Variants in LARP1 observed in about 807,000 individuals in gnomAD.
LARP1 encodes the protein La ribonucleoprotein 1, translational regulator.
In LARP1, 36 loss-of-function variants were observed where a neutral mutation model predicts 122.7. That is an observed-to-expected ratio of 0.29 (90% CI 0.22 to 0.39). The LOEUF (loss-of-function observed/expected upper bound fraction) is 0.39. LARP1 is among the 10% of genes least tolerant of loss of function. The pLI is 1.00. For missense variants in LARP1, 1,040 were observed against 1,403.6 expected, an observed-to-expected ratio of 0.74 and a Z score of 4.14; for synonymous variants, 539 against 528.7, an observed-to-expected ratio of 1.02 and a Z score of -0.27.
intron 1 of LARP1, among the ~76,000 whole-genome samples, chr5:154,771,178 A>G (rs1218748418): frequency 6.6e-6 from 1 of 151,814 alleles, no homozygotes; most frequent in Admixed American, 6.6e-5. Flanking sequence ...AGTGAGTAAT[A>G]GCCTTTATCA....
At chr5:154,797,658 T>G (rs1757993272) in intron 8 of LARP1, among the ~76,000 whole-genome samples, 1 of 152,084 alleles carries the variant, frequency 6.6e-6, no homozygotes, top group Non-Finnish European at 1.5e-5. Context: ...CATTTTGTTT[T>G]ATTTCACAGT....
intron 1 of LARP1, among the ~76,000 whole-genome samples, chr5:154,757,690 C>T (rs1325302274): frequency 1.3e-5 from 2 of 152,158 alleles, no homozygotes; most frequent in Non-Finnish European, 2.9e-5. Flanking sequence ...CTGAAAACAG[C>T]ATGTTGCAAT....
intron 1 of LARP1, among the ~76,000 whole-genome samples, chr5:154,729,947 A>G (rs1756455202): frequency 6.6e-6 from 1 of 152,154 alleles, no homozygotes; most frequent in Non-Finnish European, 1.5e-5. Flanking sequence ...CATGACTACA[A>G]CTGCATGAGT....
chr5:154,814,136 A>T lies in LARP1; in HGVS notation c.*40A>T. 43 of 1,521,024 alleles carry T rather than the reference A, an allele frequency of 2.8e-5. No homozygotes were observed. Among genetic ancestry groups the T allele is most frequent in the Non-Finnish European group, 3.3e-5 (36 of 1,105,766 alleles). 94.2% of individuals were successfully genotyped at this position (1,521,024 alleles called of 1,614,324 possible). Reference sequence around the variant, plus strand: ...CTGGGGCTTGAGGGGGGAAAGGGGTAGGGTGGGTAAGAGTCCATGGGGGTG... The same window carrying T: ...CTGGGGCTTGAGGGGGGAAAGGGGTTGGGTGGGTAAGAGTCCATGGGGGTG... On this transcript the variant is annotated 3_prime_UTR_variant, in exon 19 of 19. Transcript: ENST00000518297.
At chr5:154,739,244 T>G (rs1464494481) in intron 1 of LARP1, among the ~76,000 whole-genome samples, 4 of 152,026 alleles carry the variant, frequency 2.6e-5, no homozygotes, top group Non-Finnish European at 5.9e-5. Flanking sequence ...ATGGTCTCGA[T>G]CTCCTGACCT....
Position 154,805,775 on chromosome 5 carries a change from G to A in LARP1, c.2547-106G>A, listed in dbSNP as rs1300166401. On this transcript the variant is annotated intron_variant, in intron 14 of 18. Transcript: ENST00000518297. ...ACTGGGCCTCCTTGTTTGATACCCT[G>A]TGAGAGGATGGATCTTGGCTGACAG... 2.2e-5 allele frequency: 27 copies of A among 1,228,134 alleles called. No homozygotes were observed. The Admixed American group carries it at 6.0e-4, about 27-fold the overall frequency. The allele number at this position is 1,228,134 out of a possible 1,614,324, so 76.1% of individuals were successfully genotyped here.
chr5:154,687,672 C>T (rs1380949491), intron 1 of LARP1, among the ~76,000 whole-genome samples: 5 of 152,208 alleles, frequency 3.3e-5, no homozygotes, highest in Non-Finnish European at 5.9e-5. Context: ...TGAGCCACTG[C>T]GCCCGGCCTG....
intron 1 of LARP1, among the ~76,000 whole-genome samples, chr5:154,692,502 T>A (rs1754270222): frequency 1.3e-5 from 2 of 152,196 alleles, no homozygotes; most frequent in South Asian, 4.1e-4. Flanking sequence ...CTTGTCATTG[T>A]CTTTCCCTAC....
intron 1 of LARP1, chr5:154,718,779 A>G (rs1029132006): frequency 1.3e-5 from 2 of 152,208 alleles, no homozygotes; most frequent in African/African-American, 4.8e-5. Context: ...CTTGGAAGCT[A>G]CCTACGGGCA....
intron 1 of LARP1, among the ~76,000 whole-genome samples, chr5:154,788,846 T>G (rs1757091654): frequency 6.6e-6 from 1 of 152,206 alleles, no homozygotes; most frequent in South Asian, 2.1e-4. Flanking sequence ...TTCTGATAGT[T>G]CTTACATGTC....
At chr5:154,801,534 T>C (rs1053259708) in intron 10 of LARP1, among the ~76,000 whole-genome samples, 1 of 152,216 alleles carries the variant, frequency 6.6e-6, no homozygotes, top group African/African-American at 2.4e-5. Context: ...TCATTTATTA[T>C]ATAATTGAAC....
intron 15 of LARP1, among the ~76,000 whole-genome samples, chr5:154,807,021 A>G (rs949763442): frequency 6.6e-6 from 1 of 152,012 alleles, no homozygotes; most frequent in African/African-American, 2.4e-5. Context: ...CTACTAACCT[A>G]CTTTCTGCCT....
Position 154,814,024 on chromosome 5 carries a change from C to T in LARP1, c.3219C>T (p.Pro1073=). The T allele has an allele frequency of 6.2e-7, 1 of 1,614,178 alleles. No homozygotes were observed. Among genetic ancestry groups the T allele is most frequent in the Non-Finnish European group, 8.5e-7 (1 of 1,180,038 alleles). The change falls in exon 19 of 19, where the codon CCC becomes CCT. Residue 1073 remains proline, a synonymous_variant. Coordinates refer to ENST00000518297, the MANE Select transcript of LARP1 (RefSeq NM_033551.3). ...TGATCAGCCAACCCCCTACACCACC[C>T]ACCGGCCAGCCTGTCCGGGAAGATG... ...AAMISQPPTP[P]TGQPVREDAK... is the part of the protein sequence containing the mutation.
Position 154,793,964 on chromosome 5 carries a change from G to T in LARP1, c.1033G>T (p.Gly345Cys). Residue 345 changes from glycine (G) to cysteine (C), a missense_variant, in exon 6 of 19, where the codon GGT becomes TGT. By Grantham distance (159) the Gly-to-Cys change is radical. Around this residue, in one of 8 missense-constraint regions of LARP1, gnomAD observed 178 missense variants for 178.3 expected, o/e 1.00. Transcript: ENST00000518297. ...ASFRGRGRGR[G>C]RGRGRGRGGT... is the part of the protein sequence containing the mutation. ...CTTCCGTGGCCGTGGACGGGGGCGT[G>T]GTCGCGGCCGGGGACGCGGCCGGGG... The T allele has an allele frequency of 6.2e-7, 1 of 1,611,860 alleles. No homozygotes were observed. Among genetic ancestry groups the T allele is most frequent in the Non-Finnish European group, 8.5e-7 (1 of 1,178,438 alleles).
chr5:154,685,664 A>G (rs959033684), intron 1 of LARP1: 3 of 359,666 alleles, frequency 8.3e-6, no homozygotes, highest in African/African-American at 6.5e-5. Flanking sequence ...AGTCTATACG[A>G]TGCCTTTGTG....
chr5:154,695,415 T>C (rs1676564505), intron 1 of LARP1, among the ~76,000 whole-genome samples: 1 of 151,854 alleles, frequency 6.6e-6, no homozygotes, highest in South Asian at 2.1e-4. Context: ...TCCCAGTACT[T>C]TGGGAGGCCG....
In LARP1 at chr5:154,814,278, G is replaced by A. The variant is rs948964255; in HGVS notation, c.*182G>A. 39 of 583,808 alleles carry A rather than the reference G, an allele frequency of 6.7e-5. No homozygotes were observed. In the Admixed American group the frequency reaches 8.7e-4, roughly 13 times the overall value. 36.2% of individuals were successfully genotyped at this position (583,808 alleles called of 1,614,324 possible). ...CTATCAGAGGTACCCCTGGGCAGGA[G>A]CCTCTACATCCCCTTCCCCCTCCTC... On this transcript the variant is annotated 3_prime_UTR_variant, in exon 19 of 19. Transcript: ENST00000518297.
intron 1 of LARP1, among the ~76,000 whole-genome samples, chr5:154,781,551 C>T (rs184810562): frequency 6.6e-4 from 101 of 152,182 alleles, no homozygotes; most frequent in African/African-American, 2.3e-3. Context: ...CGAGATGGCG[C>T]CATTGCACTC....
At chr5:154,730,598 G>A (rs1175124565) in intron 1 of LARP1, among the ~76,000 whole-genome samples, 2 of 151,750 alleles carry the variant, frequency 1.3e-5, no homozygotes, top group African/African-American at 4.8e-5. Context: ...TCAGCCTCCC[G>A]AGTAGCTGGA....
Sources: allele counts gnomAD v4.1 joint callset (sites outside exome capture counted in the v4.1 genomes callset), GRCh38; gene constraint gnomAD v4.1.1; regional missense constraint gnomAD v4.1.1; transcripts MANE v1.5; gene names NCBI Gene and HGNC (gene_info 2026-07-23, HGNC 2026-07-21).